CCDC15: variants seen among roughly 807,000 people sequenced by gnomAD.
CCDC15 encodes coiled-coil domain-containing protein 15.
In CCDC15, 105 loss-of-function variants were observed where a neutral mutation model predicts 114.5. The observed-to-expected ratio is 0.92, with a 90% confidence interval of 0.78 to 1.08. The LOEUF is 1.08. CCDC15 is among the 50% of genes least tolerant of loss of function. The pLI, the probability that CCDC15 is intolerant of heterozygous loss-of-function variation, is 0.00. For missense variants in CCDC15, 1,105 were observed against 1,093.6 expected (o/e 1.01, Z -0.15); for synonymous variants, 334 against 377.8 (o/e 0.88, Z 1.34).
intron 3 of CCDC15, 75 bp from the exon 4 acceptor site, chr11:124,959,740 A>C: frequency 1.9e-6 from 2 of 1,058,356 alleles, no homozygotes; most frequent in Non-Finnish European, 2.5e-6. Context: ...AATCTTCTGA[A>C]CTGCTTTAGA....
intron 13 of CCDC15, among the ~76,000 whole-genome samples, chr11:125,014,460 A>AT (rs1948615499): frequency 6.6e-6 from 1 of 152,230 alleles, no homozygotes; most frequent in Admixed American, 6.5e-5. Flanking sequence ...AGATACTAGT[A>AT]TTAGTAGACT....
intron 13 of CCDC15, among the ~76,000 whole-genome samples, chr11:125,033,964 A>G (rs1045833329): frequency 1.3e-5 from 2 of 152,152 alleles, no homozygotes; most frequent in African/African-American, 4.8e-5. Context: ...ACATCTCCTC[A>G]TGGCCACACT....
chr11:124,976,746 T>C (rs924452632), intron 5 of CCDC15, among the ~76,000 whole-genome samples: 4 of 152,146 alleles, frequency 2.6e-5, no homozygotes, highest in African/African-American at 7.2e-5. Flanking sequence ...TTGAAATAAT[T>C]ATCCAATAGA....
intron 13 of CCDC15, among the ~76,000 whole-genome samples, chr11:125,028,111 G>A (rs1382026327): frequency 1.3e-5 from 2 of 152,086 alleles, no homozygotes; most frequent in African/African-American, 4.8e-5. Context: ...TACTATGTAT[G>A]TACTACGGGC....
At chr11:125,029,002 A>T (rs1452733100) in intron 13 of CCDC15, among the ~76,000 whole-genome samples, 2 of 152,196 alleles carry the variant, frequency 1.3e-5, no homozygotes, top group Admixed American at 6.5e-5. Context: ...CTGAGTCCCA[A>T]AACGAAAGAA....
intron 13 of CCDC15, among the ~76,000 whole-genome samples, chr11:125,012,233 GC>G: frequency 6.6e-6 from 1 of 152,298 alleles, no homozygotes; most frequent in Middle Eastern, 3.4e-3. Context: ...TCGCCTAGTT[GC>G]TTAGTCTCTG....
At position 125,035,852 on chromosome 11, in the gene CCDC15, A is replaced by G. The variant is rs184460472; in HGVS notation, c.2412-2579A>G. On this transcript the variant is annotated intron_variant, in intron 13 of 15. Transcript: ENST00000344762. ...TACATAAACAAACTAACAAGTAAAG[A>G]GAAAACTAATAAAAACTCTACACTT... Among the ~76,000 whole-genome samples, 7 of 152,308 alleles carry G rather than the reference A, an allele frequency of 4.6e-5. No homozygotes were observed. In the East Asian group the frequency reaches 1.3e-3, roughly 29 times the overall value.
chr11:125,019,629 A>G (rs1948649377), intron 13 of CCDC15, among the ~76,000 whole-genome samples: 1 of 151,938 alleles, frequency 6.6e-6, no homozygotes, highest in South Asian at 2.1e-4. Context: ...AAGAGACTTG[A>G]TAGGATTTTG....
At chr11:125,010,507 T>C (rs1255198669) in intron 13 of CCDC15, among the ~76,000 whole-genome samples, 2 of 152,008 alleles carry the variant, frequency 1.3e-5, no homozygotes, top group South Asian at 2.1e-4. Flanking sequence ...ACTACAGGCA[T>C]GTACCACCAT....
chr11:124,975,327 C>T (rs1947956114), intron 5 of CCDC15, 118 bp downstream of exon 5: 1 of 524,634 alleles, frequency 1.9e-6, no homozygotes, highest in African/African-American at 2.0e-5. Flanking sequence ...CCTTAAATAC[C>T]CAATAGTAGG....
intron 11 of CCDC15, among the ~76,000 whole-genome samples, chr11:125,000,592 A>G (rs1180900545): frequency 6.6e-6 from 1 of 152,222 alleles, no homozygotes; most frequent in Non-Finnish European, 1.5e-5. Context: ...CTTTATTGAA[A>G]ACAGAAAGTA....
rs1452013999 is a variant in CCDC15 at position 125,039,085 on chromosome 11, G to A, written c.2734+16G>A. On this transcript the variant is annotated intron_variant, in intron 15 of 15. Transcript: ENST00000344762. ...AACCACAGAGGTAAGTTTCTTGAAG[G>A]AATAGTCAGGGCCTAATGGCAACAA... The A allele has an allele frequency of 1.3e-6, 2 of 1,575,540 alleles. No homozygotes were observed. Among genetic ancestry groups the A allele is most frequent in the African/African-American group, 1.4e-5 (1 of 73,764 alleles).
intron 6 of CCDC15, among the ~76,000 whole-genome samples, chr11:124,983,310 A>G (rs1413467242): frequency 6.6e-6 from 1 of 152,162 alleles, no homozygotes; most frequent in Non-Finnish European, 1.5e-5. Flanking sequence ...CAGACTAGTT[A>G]AGAATTATTG....
chr11:125,028,308 G>T (rs1439912623), intron 13 of CCDC15, among the ~76,000 whole-genome samples: 1 of 152,128 alleles, frequency 6.6e-6, no homozygotes, highest in Non-Finnish European at 1.5e-5. Context: ...AATGATGGTG[G>T]TATTTTGATG....
At chr11:125,039,968 C>T (rs567255252) in intron 15 of CCDC15, among the ~76,000 whole-genome samples, 28 of 152,274 alleles carry the variant, frequency 1.8e-4, no homozygotes, top group African/African-American at 6.7e-4. Flanking sequence ...GGAATCTTTG[C>T]CATCCTGTCC....
intron 12 of CCDC15, 111 bp downstream of exon 12, chr11:125,004,070 C>CA: frequency 2.0e-6 from 1 of 495,664 alleles, no homozygotes; most frequent in Non-Finnish European, 3.4e-6. Flanking sequence ...GCTAATACCA[C>CA]AAATTTCATA....
intron 13 of CCDC15, among the ~76,000 whole-genome samples, chr11:125,006,959 A>G (rs1235576651): frequency 6.6e-6 from 1 of 152,196 alleles, no homozygotes; most frequent in Non-Finnish European, 1.5e-5. Context: ...GATACATAAT[A>G]ATTGTACATA....
rs748465823 is a variant in CCDC15 at position 124,993,161 on chromosome 11, TC to T, written c.2140-6del. 10 of 1,579,486 alleles carry T rather than the reference TC, an allele frequency of 6.3e-6. No homozygotes were observed. The African/African-American group carries it at 1.2e-4, about 19-fold the overall frequency. ...GACAATCAGTTTTGTATTTTGTTGT[TC>T]CTTTAGAACAAGCATATCAAACTAC... On this transcript the variant is annotated splice_polypyrimidine_tract_variant and splice_region_variant and intron_variant, in intron 10 of 15. Transcript: ENST00000344762.
At position 124,986,730 on chromosome 11, in the gene CCDC15, T is replaced by C. The variant is rs1378043936; in HGVS notation, c.754-12T>C. On this transcript the variant is annotated splice_polypyrimidine_tract_variant and intron_variant, in intron 6 of 15. Transcript: ENST00000344762. ...GCGCGCGCGTGCGCGTTTTCATTGT[T>C]TTTTTCTTTAGGAACTTGACTATGA... The C allele has an allele frequency of 2.0e-6, 3 of 1,518,166 alleles. No homozygotes were observed. Among genetic ancestry groups the C allele is most frequent in the Non-Finnish European group, 2.7e-6 (3 of 1,131,294 alleles). The allele number at this position is 1,518,166 out of a possible 1,614,324, so 94.0% of individuals were successfully genotyped here. A position where few individuals can be genotyped will look rare whatever the true frequency, so the allele number is the denominator to read the frequency against.
Sources: gnomAD v4.1 joint callset for allele counts (sites outside exome capture counted in the v4.1 genomes callset) on GRCh38, gnomAD v4.1.1 for gene constraint, MANE v1.5 for transcripts, NCBI Gene and HGNC (gene_info 2026-07-23, HGNC 2026-07-21) for gene names.